CLIC2: variants seen among roughly 807,000 people sequenced by gnomAD.
CLIC2 encodes CLIC family member 2.
CLIC2 carries 9 observed loss-of-function variants against 14.8 expected under a neutral mutation model. The ratio of observed to expected loss-of-function variants is 0.61; its 90% CI spans 0.37 to 1.06. The LOEUF (loss-of-function observed/expected upper bound fraction) is 1.06. Among genes scored for constraint, CLIC2 ranks in the 50% least tolerant of loss-of-function variants. The pLI, the probability that CLIC2 is intolerant of heterozygous loss-of-function variation, is 0.01. For synonymous variants in CLIC2, 61 were observed against 66.3 expected, an observed-to-expected ratio of 0.92 and a Z score of 0.39; for missense variants, 148 against 181.4, an observed-to-expected ratio of 0.82 and a Z score of 1.06.
At chrX:155,312,795 T>A (rs2075078959) in intron 1 of CLIC2, among the ~76,000 whole-genome samples, 1 of 111,784 alleles carries the variant, frequency 8.9e-6, no homozygotes, top group South Asian at 3.7e-4. Flanking sequence ...TTCCTATCCA[T>A]GAACATGGAA....
Position 155,318,908 on chromosome X carries a change from A to T in CLIC2, c.57+15463T>A, listed in dbSNP as rs184355899. 1.0e-3 allele frequency among the ~76,000 whole-genome samples: 114 copies of T among 112,110 alleles called. 1 individual carries two copies. The highest frequency in any genetic ancestry group is 1.5e-3 in the South Asian group (4 of 2,655). On this transcript the variant is annotated intron_variant, in intron 1 of 5. Coordinates refer to ENST00000369449, the MANE Select transcript of CLIC2 (RefSeq NM_001289.6). ...ATACAGAACCCAGAAATATAGCCAA[A>T]TACTTATAGCCAACTGATCTTCAAC...
chrX:155,279,238 C>T lies in CLIC2; in HGVS notation c.493G>A (p.Glu165Lys). Reference sequence around the variant, plus strand: ...AATAGTCTTCTGGAAACTGGGGGTTCCTCAGCACTGTCTGGATCAATTTCA... The same window carrying T: ...AATAGTCTTCTGGAAACTGGGGGTTTCTCAGCACTGTCTGGATCAATTTCA... ...LDEIDPDSAE[E>K]PPVSRRLFLD... The change falls in exon 5 of 6, where the codon GAA becomes AAA. Residue 165 changes from glutamate to lysine, a missense_variant. By Grantham distance (56) the Glu-to-Lys change is moderately conservative. Coordinates refer to ENST00000369449, the MANE Select transcript of CLIC2 (RefSeq NM_001289.6). 8.3e-7 allele frequency: 1 copy of T among 1,208,219 alleles called. No individual in the cohort carries two copies. The highest frequency in any genetic ancestry group is 1.1e-6 in the Non-Finnish European group (1 of 892,363).
chrX:155,281,011 A>ATG (rs1292205791), intron 3 of CLIC2, among the ~76,000 whole-genome samples: 2 of 105,041 alleles, frequency 1.9e-5, no homozygotes, highest in African/African-American at 6.9e-5. Context: ...ATATATATAT[A>ATG]TATGTAATAG....
chrX:155,315,719 T>C (rs782026840), intron 1 of CLIC2, among the ~76,000 whole-genome samples: 2 of 110,458 alleles, frequency 1.8e-5, no homozygotes, highest in East Asian at 5.7e-4. Flanking sequence ...AACCAAGGTA[T>C]TGAGGCAACA....
At chrX:155,280,145 G>A (rs1351444527) in intron 3 of CLIC2, 77 bp from the exon 4 acceptor site, 2 of 636,424 alleles carry the variant, frequency 3.1e-6, no homozygotes, top group Non-Finnish European at 5.2e-6. Context: ...GCACTATACT[G>A]AAAATGGAAG....
rs1602956220 is a variant in CLIC2 at position 155,317,069 on chromosome X, T to C, written c.57+17302A>G. Among the ~76,000 whole-genome samples the C allele has an allele frequency of 2.7e-5, 3 of 111,332 alleles. No homozygotes were observed. In the Admixed American group the frequency reaches 2.9e-4, roughly 11 times the overall value. On this transcript the variant is annotated intron_variant, in intron 1 of 5. Coordinates refer to ENST00000369449, the MANE Select transcript of CLIC2 (RefSeq NM_001289.6). ...TCAGTATTAACCATCAGAGTGGTGC[T>C]AAAAGGAAAGCTCATAGTATTAAAT...
At chrX:155,305,564 C>G (rs191962251) in intron 1 of CLIC2, among the ~76,000 whole-genome samples, 4 of 112,373 alleles carry the variant, frequency 3.6e-5, no homozygotes, top group African/African-American at 1.3e-4. Context: ...AGCTGTAGAC[C>G]GGAGCTGTTC....
At chrX:155,305,087 T>C (rs1231407688) in intron 1 of CLIC2, among the ~76,000 whole-genome samples, 2 of 112,441 alleles carry the variant, frequency 1.8e-5, no homozygotes, top group African/African-American at 3.2e-5. Flanking sequence ...GCAGACCTCT[T>C]TGAGCTGTGG....
intron 1 of CLIC2, among the ~76,000 whole-genome samples, chrX:155,304,916 T>C (rs1242588756): frequency 1.9e-5 from 2 of 103,658 alleles, no homozygotes; most frequent in Non-Finnish European, 4.0e-5. Flanking sequence ...AGGGACCCAC[T>C]TGAGGAGGCA....
At chrX:155,293,207 T>C (rs1009090498) in intron 3 of CLIC2, 1 of 819,815 alleles carries the variant, frequency 1.2e-6, no homozygotes. Context: ...GAGGACTCTT[T>C]CCAGGGAAGA....
chrX:155,288,924 C>T (rs1393386577), intron 3 of CLIC2, among the ~76,000 whole-genome samples: 6 of 110,696 alleles, frequency 5.4e-5, no homozygotes, highest in Non-Finnish European at 1.1e-4. Context: ...GCGGGCGGGT[C>T]ACCTGAGGTC....
chrX:155,292,566 C>G (rs782771067), intron 3 of CLIC2: 123 of 403,824 alleles, frequency 3.0e-4, no homozygotes, highest in African/African-American at 2.7e-3. Context: ...GTCAGGAGAT[C>G]GAGACCATCC....
chrX:155,331,316 T>C (rs1388241551), intron 1 of CLIC2, among the ~76,000 whole-genome samples: 1 of 110,826 alleles, frequency 9.0e-6, no homozygotes, highest in Non-Finnish European at 1.9e-5. Context: ...GAAGGGTTTT[T>C]TTTTCTGTTA....
At chrX:155,308,870 G>A (rs1557320260) in intron 1 of CLIC2, among the ~76,000 whole-genome samples, 3 of 111,151 alleles carry the variant, frequency 2.7e-5, no homozygotes, top group Non-Finnish European at 5.7e-5. Flanking sequence ...AAAGCTGAGG[G>A]CTTTTTATCA....
rs992916353 is a variant in CLIC2 at position 155,317,080 on chromosome X, C to T, written c.57+17291G>A. ...CATCAGAGTGGTGCTAAAAGGAAAG[C>T]TCATAGTATTAAATGCCTACATCAA... is the stretch of plus-strand genomic sequence containing the variant. On this transcript the variant is annotated intron_variant, in intron 1 of 5. Coordinates refer to ENST00000369449, the MANE Select transcript of CLIC2 (RefSeq NM_001289.6). 3.6e-5 allele frequency among the ~76,000 whole-genome samples: 4 copies of T among 111,414 alleles called. No homozygotes were observed. In the East Asian group the frequency reaches 8.4e-4, roughly 23 times the overall value.
chrX:155,302,581 C>T (rs1250347714), intron 1 of CLIC2, among the ~76,000 whole-genome samples: 1 of 77,078 alleles, frequency 1.3e-5, no homozygotes, highest in African/African-American at 4.3e-5. Context: ...CTATTTCCTT[C>T]AGTTCTGCTC....
intron 1 of CLIC2, among the ~76,000 whole-genome samples, chrX:155,325,082 G>A (rs1557322171): frequency 8.9e-6 from 1 of 112,032 alleles, no homozygotes; most frequent in East Asian, 2.8e-4. Context: ...CAGTTAAAAT[G>A]GCAATCATTA....
intron 1 of CLIC2, chrX:155,310,100 A>C (rs1165018626): frequency 8.8e-6 from 1 of 113,195 alleles, no homozygotes; most frequent in Non-Finnish European, 1.9e-5. Flanking sequence ...GAAATTGGCC[A>C]AAACAAAGGG....
At chrX:155,327,159 T>A (rs1453206370) in intron 1 of CLIC2, among the ~76,000 whole-genome samples, 1 of 111,672 alleles carries the variant, frequency 9.0e-6, no homozygotes, top group East Asian at 2.8e-4. Context: ...AACAACGCCT[T>A]AATTTTAAAA....
Sources: gnomAD v4.1 joint callset for allele counts (sites outside exome capture counted in the v4.1 genomes callset) on GRCh38, gnomAD v4.1.1 for gene constraint, MANE v1.5 for transcripts, NCBI Gene and HGNC (gene_info 2026-07-23, HGNC 2026-07-21) for gene names.